Variants in TSEN2 observed in about 807,000 individuals in gnomAD.
TSEN2 encodes the protein tRNA splicing endonuclease subunit 2.
A neutral mutation model predicts 59.2 loss-of-function variants in TSEN2; 54 were observed. The ratio of observed to expected loss-of-function variants is 0.91; its 90% CI spans 0.73 to 1.14. TSEN2 has a LOEUF of 1.14. TSEN2 is among the 50% of genes most tolerant of loss of function. TSEN2 has a pLI of 0.00. For missense variants in TSEN2, 636 were observed against 576.2 expected (o/e 1.10, Z -1.06); for synonymous variants, 195 against 198.2 (o/e 0.98, Z 0.14).
intron 6 of TSEN2, chr3:12,505,564 G>C (rs2125062294): frequency 3.6e-6 from 1 of 277,364 alleles, no homozygotes; most frequent in African/African-American, 2.2e-5. Context: ...CAAGGCAGGA[G>C]GATCACCTGA....
At chr3:12,534,221 C>T (rs1007449198), downstream of TSEN2, among the ~76,000 whole-genome samples, 6 of 152,130 alleles carry the variant, frequency 3.9e-5, no homozygotes, top group Non-Finnish European at 5.9e-5. Context: ...GCCTGAAGCC[C>T]CCTTACTTAC....
chr3:12,529,727 G>C (rs759680521), intron 9 of TSEN2, 35 bp from the exon 10 acceptor site: 54 of 1,576,650 alleles, frequency 3.4e-5, no homozygotes, highest in Non-Finnish European at 4.6e-5. Context: ...TTTATTTCAT[G>C]ATTACTTTTA....
intron 8 of TSEN2, among the ~76,000 whole-genome samples, chr3:12,521,973 C>T (rs2056680030): frequency 6.6e-6 from 1 of 152,116 alleles, no homozygotes; most frequent in African/African-American, 2.4e-5. Context: ...TGCGCTACTG[C>T]ACTCCAGCCT....
chr3:12,486,246 A>G (rs2052602050), intron 1 of TSEN2, among the ~76,000 whole-genome samples: 1 of 152,132 alleles, frequency 6.6e-6, no homozygotes, highest in Non-Finnish European at 1.5e-5. Flanking sequence ...CCCACCTCTT[A>G]CAGCATGCTG....
downstream of TSEN2, among the ~76,000 whole-genome samples, chr3:12,534,016 A>G (rs1435331134): frequency 6.6e-6 from 1 of 152,146 alleles, no homozygotes; most frequent in Non-Finnish European, 1.5e-5. Context: ...GGTGTGCATC[A>G]CTACCAGTCA....
intron 11 of TSEN2, among the ~76,000 whole-genome samples, chr3:12,532,221 G>A (rs746105933): frequency 6.6e-6 from 1 of 152,082 alleles, no homozygotes; most frequent in Non-Finnish European, 1.5e-5. Context: ...CCTGCTGGTC[G>A]GTCTCCAGGG....
At chr3:12,531,346 T>C (rs1320975010) in intron 10 of TSEN2, 2 of 539,952 alleles carry the variant, frequency 3.7e-6, no homozygotes, top group Non-Finnish European at 6.7e-6. Context: ...TCAATGTATC[T>C]GCTTATATCT....
chr3:12,500,065 T>C (rs2054142866), intron 4 of TSEN2, among the ~76,000 whole-genome samples: 1 of 152,200 alleles, frequency 6.6e-6, no homozygotes, highest in Admixed American at 6.5e-5. Context: ...GTCCTTGCGG[T>C]CCTGGATGGT....
rs529954614 is a variant in TSEN2, at chr3:12,500,602, T to C, written c.309-2660T>C. On this transcript the variant is annotated intron_variant, in intron 4 of 11. Transcript: ENST00000284995. ...CCATTCATTAACATCTTTTTCAAGA[T>C]ACCATATATTGAGTCTGATTTATTT... is the stretch of plus-strand genomic sequence containing the variant. 7.9e-5 allele frequency among the ~76,000 whole-genome samples: 12 copies of C among 152,340 alleles called. 1 individual carries two copies. Among genetic ancestry groups the C allele is most frequent in the African/African-American group, 2.9e-4 (12 of 41,586 alleles).
intron 6 of TSEN2, among the ~76,000 whole-genome samples, chr3:12,509,178 G>A (rs190814896): frequency 2.0e-5 from 3 of 148,822 alleles, no homozygotes; most frequent in Non-Finnish European, 3.0e-5. Context: ...TGTCAACTTT[G>A]GGGGTTTTTT....
At chr3:12,538,953 C>G (rs1575496945) in intron 10 of TSEN2, 1 of 314,058 alleles carries the variant, frequency 3.2e-6, no homozygotes, top group East Asian at 1.2e-4. Context: ...TGTGTCGGGT[C>G]AGGCAAAATG....
chr3:12,521,525 G>A (rs1362024457), intron 8 of TSEN2, among the ~76,000 whole-genome samples: 1 of 151,940 alleles, frequency 6.6e-6, no homozygotes, highest in Non-Finnish European at 1.5e-5. Flanking sequence ...GACCAGCCTT[G>A]CCAACGTGGT....
At chr3:12,529,699 A>G in intron 9 of TSEN2, 63 bp from the exon 10 acceptor site, 1 of 1,473,832 alleles carries the variant, frequency 6.8e-7, no homozygotes, top group Non-Finnish European at 9.5e-7. Flanking sequence ...GGTAGGACAA[A>G]TATTCTTTTT....
chr3:12,488,919 C>G (rs1344765649), intron 1 of TSEN2, among the ~76,000 whole-genome samples: 11 of 152,212 alleles, frequency 7.2e-5, no homozygotes, highest in Non-Finnish European at 1.5e-4. Flanking sequence ...TAACCTGAAT[C>G]TGTTTCCTAT....
rs2056152052 is a variant in TSEN2, at chr3:12,516,651, A to G, written c.950A>G (p.Tyr317Cys). 2 of 1,613,896 alleles carry G rather than the reference A, an allele frequency of 1.2e-6. No individual in the cohort carries two copies. The highest frequency in any genetic ancestry group is 2.7e-5 in the African/African-American group (2 of 74,892). Residue 317 changes from tyrosine (Y) to cysteine (C), a missense_variant, in exon 7 of 12, where the codon TAC (tyrosine) becomes TGC (cysteine). Tyr to Cys is a radical substitution (Grantham distance 194). Transcript: ENST00000284995. The part of the protein sequence containing the change: ...LVYALGCLSI[Y>C]YEKEPLTIVK... ...TATGCTCTGGGATGTTTAAGTATTT[A>G]CTATGAGAAGGTAAGATGCTTTGTT...
At position 12,484,560 on chromosome 3, in the gene TSEN2, G is replaced by A. The variant is rs1025626403; in HGVS notation, c.-338G>A. On this transcript the variant is annotated 5_prime_UTR_variant, in exon 1 of 12. Coordinates refer to ENST00000284995, the MANE Select transcript of TSEN2 (RefSeq NM_025265.4). ...GGAAAGCGCGGCCCTTTCCGAGTTT[G>A]GTGTTTTGCAGCGAAAGGAAATCTC... 83 of 152,410 alleles carry A rather than the reference G, an allele frequency of 5.4e-4. No homozygotes were observed. The highest frequency in any genetic ancestry group is 1.9e-3 in the African/African-American group (79 of 41,580). The allele number at this position is 152,410 out of a possible 1,614,324, so 9.4% of individuals were successfully genotyped here. A position where few individuals can be genotyped will look rare whatever the true frequency, so the allele number is the denominator to read the frequency against.
In TSEN2 at chr3:12,505,200, T is replaced by C; in HGVS notation, c.878T>C (p.Ile293Thr). Reference protein sequence around the residue: ...RLICRRNPYRIFEYLQLSLEE... With the variant: ...RLICRRNPYRTFEYLQLSLEE... The stretch of plus-strand genomic sequence containing the variant: ...ATATGCAGAAGAAATCCATATAGGA[T>C]CTTTGAGTATTTGCAACTCAGCCTA... The change falls in exon 6 of 12, where the codon ATC (isoleucine) becomes ACC (threonine). Residue 293 changes from isoleucine to threonine, a missense_variant. Transcript: ENST00000284995. 1 of 1,612,362 alleles carries C rather than the reference T, an allele frequency of 6.2e-7. No individual in the cohort carries two copies. The highest frequency in any genetic ancestry group is 8.5e-7 in the Non-Finnish European group (1 of 1,178,404).
At chr3:12,501,812 C>T (rs1162124435) in intron 4 of TSEN2, among the ~76,000 whole-genome samples, 3 of 152,034 alleles carry the variant, frequency 2.0e-5, no homozygotes, top group Admixed American at 1.3e-4. Context: ...CACTGAAGGT[C>T]GAGGCAAAAA....
intron 8 of TSEN2, among the ~76,000 whole-genome samples, chr3:12,526,430 G>T (rs1217617857): frequency 2.6e-5 from 4 of 152,102 alleles, no homozygotes; most frequent in Non-Finnish European, 4.4e-5. Flanking sequence ...ATTGTCTACA[G>T]ATTCAGCACA....
Sources: allele counts gnomAD v4.1 joint callset (sites outside exome capture counted in the v4.1 genomes callset), GRCh38; gene constraint gnomAD v4.1.1; transcripts MANE v1.5; gene names NCBI Gene and HGNC (gene_info 2026-07-23, HGNC 2026-07-21).